PMEPA1: variants seen among roughly 807,000 people sequenced by gnomAD.
PMEPA1 encodes the protein prostate transmembrane protein, androgen induced 1.
A neutral mutation model predicts 23.0 loss-of-function variants in PMEPA1; 11 were observed. That is an observed-to-expected ratio of 0.48 (90% CI 0.30 to 0.79). PMEPA1 has a LOEUF of 0.79. PMEPA1 is among the 30% of genes least tolerant of loss of function. PMEPA1 has a pLI of 0.06. For missense variants in PMEPA1, 377 were observed against 390.9 expected, an observed-to-expected ratio of 0.96 and a Z score of 0.30; for synonymous variants, 204 against 166.4, an observed-to-expected ratio of 1.23 and a Z score of -1.74.
At position 57,686,988 on chromosome 20, in the gene PMEPA1, T is replaced by C. The variant is rs796778974; in HGVS notation, c.109+22486A>G. On this transcript the variant is annotated intron_variant, in intron 1 of 3. Transcript: ENST00000341744. ...TGGGCTATGTCAGAGGACTGCAGAG[T>C]TTTCCCCCATTTCTGTTTTTGGTTT... Among the ~76,000 whole-genome samples the C allele has an allele frequency of 7.2e-5, 11 of 152,214 alleles. 1 individual carries two copies. The highest frequency in any genetic ancestry group is 2.6e-4 in the African/African-American group (11 of 41,522).
chr20:57,676,614 AG>A (rs1381357006), intron 1 of PMEPA1, among the ~76,000 whole-genome samples: 2 of 152,262 alleles, frequency 1.3e-5, no homozygotes, highest in Non-Finnish European at 2.9e-5. Context: ...AGACAGACCT[AG>A]ATGGGAGCTC....
chr20:57,657,498 A>G (rs962744201), intron 2 of PMEPA1, among the ~76,000 whole-genome samples: 2 of 152,258 alleles, frequency 1.3e-5, no homozygotes, highest in Admixed American at 6.5e-5. Flanking sequence ...AGACGTAACC[A>G]GTGCTTGTTG....
At chr20:57,701,766 T>A (rs62204954) in intron 1 of PMEPA1, among the ~76,000 whole-genome samples, 1,885 of 152,110 alleles carry the variant, frequency 0.012, 20 homozygotes, top group Non-Finnish European at 0.019. Flanking sequence ...AGAATGAAGG[T>A]CTTCAAAGCC....
In PMEPA1 at chr20:57,657,009, G is replaced by A. The variant is rs566308832; in HGVS notation, c.264+2534C>T. 7.6e-4 allele frequency among the ~76,000 whole-genome samples: 116 copies of A among 152,282 alleles called. 2 individuals carry two copies. The Middle Eastern group carries it at 0.01, about 13-fold the overall frequency. On this transcript the variant is annotated intron_variant, in intron 2 of 3. Coordinates refer to ENST00000341744, the MANE Select transcript of PMEPA1 (RefSeq NM_020182.5). ...CCACGTTTACCCAGCCAGGCATCCC[G>A]GGCGGCTGTGCAGGCGGCTGGGTAG... is the stretch of plus-strand genomic sequence containing the variant.
intron 1 of PMEPA1, among the ~76,000 whole-genome samples, chr20:57,691,046 C>G (rs535433397): frequency 6.6e-6 from 1 of 152,146 alleles, no homozygotes; most frequent in East Asian, 1.9e-4. Flanking sequence ...TCTTTTCCTA[C>G]GGGACTTCTG....
intron 1 of PMEPA1, among the ~76,000 whole-genome samples, chr20:57,672,370 C>T (rs1218859667): frequency 3.3e-5 from 5 of 152,240 alleles, no homozygotes; most frequent in Admixed American, 6.5e-5. Context: ...GCCAGGATGG[C>T]GGGCGGCGCC....
chr20:57,671,418 G>A (rs930703086), intron 1 of PMEPA1, among the ~76,000 whole-genome samples: 6 of 152,132 alleles, frequency 3.9e-5, no homozygotes, highest in African/African-American at 1.4e-4. Context: ...GGAGGATATT[G>A]AGCAGTGCCT....
At position 57,652,747 on chromosome 20, in the gene PMEPA1, G is replaced by C. The variant is rs933055094; in HGVS notation, c.319-149C>G. 2.6e-6 allele frequency: 2 copies of C among 768,594 alleles called. No homozygotes were observed. The highest frequency in any genetic ancestry group is 3.5e-5 in the African/African-American group (2 of 56,882). 47.6% of individuals were successfully genotyped at this position (768,594 alleles called of 1,614,324 possible). A position where few individuals can be genotyped will look rare whatever the true frequency, so the allele number is the denominator to read the frequency against. On this transcript the variant is annotated intron_variant, in intron 3 of 3. Transcript: ENST00000341744. The surrounding 1 kb of genome is among the most constrained non-coding windows in gnomAD (Gnocchi z 6.1). ...GGGCTGGCGGGGGCGGGAGCCCAGA[G>C]CCTGATCCCGCGGGGGCCCTGGCCT...
At chr20:57,678,564 C>T (rs1338214720) in intron 1 of PMEPA1, among the ~76,000 whole-genome samples, 1 of 152,232 alleles carries the variant, frequency 6.6e-6, no homozygotes. Context: ...CTCTCGCAGC[C>T]TCCCTCGCCT....
In PMEPA1 at chr20:57,681,219, G is replaced by A. The variant is rs539682202; in HGVS notation, c.110-21522C>T. The stretch of plus-strand genomic sequence containing the variant: ...TGCTCCTTCCTGACCTCTCCAGCAC[G>A]CTCCATCCACTTGCATGGAATCACG... On this transcript the variant is annotated intron_variant, in intron 1 of 3. Coordinates refer to ENST00000341744, the MANE Select transcript of PMEPA1 (RefSeq NM_020182.5). Among the ~76,000 whole-genome samples the A allele has an allele frequency of 5.9e-5, 9 of 152,246 alleles. No homozygotes were observed. The East Asian group carries it at 1.2e-3, about 20-fold the overall frequency.
intron 1 of PMEPA1, among the ~76,000 whole-genome samples, chr20:57,681,980 A>G (rs1014851015): frequency 2.0e-5 from 3 of 152,128 alleles, no homozygotes; most frequent in African/African-American, 7.2e-5. Context: ...AGGCACAGTC[A>G]TGTGACACTG....
rs1230102447 is a variant in PMEPA1 at position 57,682,950 on chromosome 20, C to T, written c.110-23253G>A. Among the ~76,000 whole-genome samples the T allele has an allele frequency of 6.6e-6, 1 of 152,192 alleles. No individual in the cohort carries two copies. The highest frequency in any genetic ancestry group is 2.4e-5 in the African/African-American group (1 of 41,450). ...AAATAAGGCAGCACACCAAGACGGTCTTGAAACTCCGGCTTCTCCAACTCT... is the reference window on the plus strand; with the variant it reads ...AAATAAGGCAGCACACCAAGACGGTTTTGAAACTCCGGCTTCTCCAACTCT... On this transcript the variant is annotated intron_variant, in intron 1 of 3. Coordinates refer to ENST00000341744, the MANE Select transcript of PMEPA1 (RefSeq NM_020182.5). This position sits in a 1 kb window ranked among gnomAD's most constrained non-coding sequence, Gnocchi z 4.4.
chr20:57,704,927 T>C lies in PMEPA1; in HGVS notation c.109+4547A>G, dbSNP rs1326798404. Among the ~76,000 whole-genome samples, 2 of 152,112 alleles carry C rather than the reference T, an allele frequency of 1.3e-5. No individual in the cohort carries two copies. The highest frequency in any genetic ancestry group is 4.8e-5 in the African/African-American group (2 of 41,418). ...CCACAGACCTCCCGACGGCCTCCCT[T>C]CTCCTGGGCAGCGGCACACAGGGGT... On this transcript the variant is annotated intron_variant, in intron 1 of 3. Coordinates refer to ENST00000341744, the MANE Select transcript of PMEPA1 (RefSeq NM_020182.5). The surrounding 1 kb of genome is among the most constrained non-coding windows in gnomAD (Gnocchi z 4.6).
intron 1 of PMEPA1, among the ~76,000 whole-genome samples, chr20:57,694,741 G>A (rs1208771669): frequency 6.6e-6 from 1 of 152,254 alleles, no homozygotes; most frequent in Non-Finnish European, 1.5e-5. Context: ...TTGCAGGGCT[G>A]CATGTGGTGC....
intron 1 of PMEPA1, among the ~76,000 whole-genome samples, chr20:57,668,609 T>C (rs1476226122): frequency 6.6e-6 from 1 of 152,332 alleles, no homozygotes; most frequent in South Asian, 2.1e-4. Flanking sequence ...TTATGTGCAG[T>C]GTAGGCTGGA....
intron 1 of PMEPA1, among the ~76,000 whole-genome samples, chr20:57,699,204 G>C (rs1359666176): frequency 6.6e-6 from 1 of 152,190 alleles, no homozygotes; most frequent in East Asian, 1.9e-4. Flanking sequence ...GGATGTGCAA[G>C]CCTAGTGGGC....
At chr20:57,703,146 C>T (rs1350899644) in intron 1 of PMEPA1, among the ~76,000 whole-genome samples, 1 of 152,228 alleles carries the variant, frequency 6.6e-6, no homozygotes, top group Non-Finnish European at 1.5e-5. Flanking sequence ...CACAGCTTCA[C>T]AGAGGGGTGC....
chr20:57,674,359 A>G (rs2071608343), intron 1 of PMEPA1, among the ~76,000 whole-genome samples: 1 of 152,154 alleles, frequency 6.6e-6, no homozygotes, highest in South Asian at 2.1e-4. Context: ...TCTCACCAGA[A>G]CCCAAACTTG....
chr20:57,691,328 C>T (rs73917715), intron 1 of PMEPA1, among the ~76,000 whole-genome samples: 2,469 of 152,302 alleles, frequency 0.016, 57 homozygotes, highest in African/African-American at 0.057. Context: ...CCTCCTTCTC[C>T]CCAACTCTTC....
Sources: allele counts gnomAD v4.1 joint callset (sites outside exome capture counted in the v4.1 genomes callset), GRCh38; gene constraint gnomAD v4.1.1; non-coding constraint Gnocchi (gnomAD v3.1); transcripts MANE v1.5; gene names NCBI Gene and HGNC (gene_info 2026-07-23, HGNC 2026-07-21).